Variants in MAST2 observed in about 807,000 individuals in gnomAD.
The protein encoded by MAST2 is microtubule associated serine/threonine kinase 2.
Under a neutral mutation model 147.4 loss-of-function variants are expected in MAST2, and 70 were observed. The observed-to-expected ratio is 0.47, with a 90% CI of 0.39 to 0.58. The LOEUF is 0.58. MAST2 is among the 20% of genes least tolerant of loss of function. MAST2 has a pLI of 0.00. For synonymous variants in MAST2, 869 were observed against 896.8 expected, an observed-to-expected ratio of 0.97 and a Z score of 0.55; for missense variants, 2,080 against 2,302.3, an observed-to-expected ratio of 0.90 and a Z score of 1.98.
chr1:45,955,666 A>G (rs1436642483), intron 4 of MAST2, among the ~76,000 whole-genome samples: 1 of 152,180 alleles, frequency 6.6e-6, no homozygotes, highest in African/African-American at 2.4e-5. Context: ...AAACATAGGC[A>G]AAGGAAATCC....
At chr1:45,878,864 A>G (rs1646718609) in intron 3 of MAST2, among the ~76,000 whole-genome samples, 1 of 151,694 alleles carries the variant, frequency 6.6e-6, no homozygotes, top group African/African-American at 2.4e-5. Flanking sequence ...TACTATGTTC[A>G]TGTATTATAA....
chr1:46,006,355 C>T lies in MAST2; in HGVS notation c.862C>T (p.Arg288Trp), dbSNP rs780540875. ...AGAGAGCGTACCAGATGAGGAAGGA[C>T]GGCAGTCCCCAGCCATGCGGCCTCG... ...STESVPDEEG[R>W]QSPAMRPRSR... The change falls in exon 8 of 29, where the codon CGG becomes TGG. Residue 288 changes from arginine (R) to tryptophan (W), a missense_variant. Physicochemically the swap from Arg to Trp is moderately radical, Grantham distance 101 (BLOSUM62 -3). This residue lies in a region of MAST2 where 569 missense variants were observed against 642.5 expected (regional missense o/e 0.89). Coordinates refer to ENST00000361297, the MANE Select transcript of MAST2 (RefSeq NM_015112.3). 8.1e-6 allele frequency: 13 copies of T among 1,613,436 alleles called. No individual in the cohort carries two copies. The highest frequency in any genetic ancestry group is 1.6e-4 in the Middle Eastern group (1 of 6,084).
At position 46,029,450 on chromosome 1, in the gene MAST2, C is replaced by A; in HGVS notation, c.2219-16C>A. The A allele has an allele frequency of 6.2e-7, 1 of 1,603,458 alleles. No homozygotes were observed. Among genetic ancestry groups the A allele is most frequent in the Non-Finnish European group, 8.5e-7 (1 of 1,171,156 alleles). On this transcript the variant is annotated splice_polypyrimidine_tract_variant and intron_variant, in intron 18 of 28. Transcript: ENST00000361297. ...CCCACAATTTCTCCTTTCCCTCTCA[C>A]CCCTGATGACTTCAGATGAGATTGT...
rs189080666 is a variant in MAST2 at position 45,813,004 on chromosome 1, A to G, written c.177+8932A>G. Among the ~76,000 whole-genome samples, 136 of 151,718 alleles carry G rather than the reference A, an allele frequency of 9.0e-4. 1 individual carries two copies. Among genetic ancestry groups the G allele is most frequent in the African/African-American group, 3.1e-3 (130 of 41,336 alleles). On this transcript the variant is annotated intron_variant, in intron 1 of 28. Transcript: ENST00000361297. ...ATATCTCTCGGGGATTGAGTACATGACCCCCTGCAGATACCAAACTCTGGT... is the reference window on the plus strand; with the variant it reads ...ATATCTCTCGGGGATTGAGTACATGGCCCCCTGCAGATACCAAACTCTGGT...
chr1:45,953,722 A>C (rs951637156), intron 4 of MAST2, among the ~76,000 whole-genome samples: 1 of 152,200 alleles, frequency 6.6e-6, no homozygotes, highest in African/African-American at 2.4e-5. Context: ...GAAGGTTTTG[A>C]GCAGAGGAAT....
chr1:45,913,657 G>C (rs1021371995), intron 4 of MAST2: 1 of 1,016,374 alleles, frequency 9.8e-7, no homozygotes, highest in East Asian at 1.1e-4. Flanking sequence ...TTTTGTGGGG[G>C]GATGGGAGGG....
intron 21 of MAST2, 74 bp downstream of exon 21, chr1:46,030,312 C>T (rs899210405): frequency 6.2e-6 from 9 of 1,443,178 alleles, no homozygotes; most frequent in African/African-American, 1.4e-5. Flanking sequence ...AAAGGGCACA[C>T]CTGGGGCAGG....
In MAST2 at chr1:45,882,345, CAT is replaced by C; in HGVS notation, c.469-16_469-15del. The C allele has an allele frequency of 6.2e-7, 1 of 1,603,842 alleles. No individual in the cohort carries two copies. The highest frequency in any genetic ancestry group is 8.5e-7 in the Non-Finnish European group (1 of 1,170,992). Reference sequence around the variant, plus strand: ...CAGATGGGTTCTTATTTCTAACTTGCATATGTTTTGTTTTTCAGAAGGAGTTG... The same window carrying C: ...CAGATGGGTTCTTATTTCTAACTTGCATGTTTTGTTTTTCAGAAGGAGTTG... On this transcript the variant is annotated splice_polypyrimidine_tract_variant and intron_variant, in intron 3 of 28. Transcript: ENST00000361297.
At chr1:45,949,460 G>GA (rs1234760693) in intron 4 of MAST2, among the ~76,000 whole-genome samples, 2 of 152,082 alleles carry the variant, frequency 1.3e-5, no homozygotes, top group Non-Finnish European at 2.9e-5. Flanking sequence ...ACAAGCATAA[G>GA]AAAAAAAGCT....
intron 4 of MAST2, among the ~76,000 whole-genome samples, chr1:45,886,259 A>C (rs961409965): frequency 1.4e-5 from 2 of 148,138 alleles, no homozygotes; most frequent in Non-Finnish European, 3.0e-5. Context: ...ATACTTATAT[A>C]AGTATACATA....
At chr1:45,857,843 A>C (rs1012189958) in intron 3 of MAST2, among the ~76,000 whole-genome samples, 1 of 140,464 alleles carries the variant, frequency 7.1e-6, no homozygotes, top group Non-Finnish European at 1.5e-5. Flanking sequence ...GAGTGAGAAC[A>C]TGCGGTGTTT....
intron 17 of MAST2, 146 bp downstream of exon 17, chr1:46,028,009 C>T (rs1646489881): frequency 1.1e-6 from 1 of 920,208 alleles, no homozygotes; most frequent in African/African-American, 1.6e-5. Context: ...GAGACCCCAT[C>T]TCTACATTTG....
chr1:45,863,359 G>T (rs1407229374), intron 3 of MAST2, among the ~76,000 whole-genome samples: 5 of 152,098 alleles, frequency 3.3e-5, no homozygotes, highest in African/African-American at 1.2e-4. Context: ...TGTCTGTTCA[G>T]GTCTTGTGTT....
chr1:45,886,743 G>C (rs907687022), intron 4 of MAST2, among the ~76,000 whole-genome samples: 10 of 152,292 alleles, frequency 6.6e-5, no homozygotes, highest in African/African-American at 2.2e-4. Context: ...AAGCAGCTCT[G>C]AATGGCTTTT....
At chr1:45,969,027 T>C (rs1165150793) in intron 5 of MAST2, among the ~76,000 whole-genome samples, 2 of 152,198 alleles carry the variant, frequency 1.3e-5, no homozygotes, top group Non-Finnish European at 2.9e-5. Context: ...CAGTGATCTT[T>C]AACATTTTCT....
intron 4 of MAST2, among the ~76,000 whole-genome samples, chr1:45,883,742 G>T (rs1646944429): frequency 6.6e-6 from 1 of 151,902 alleles, no homozygotes; most frequent in African/African-American, 2.4e-5. Context: ...TCTAGCAGTG[G>T]ATATTCAGTC....
chr1:45,990,303 G>A (rs1644808272), intron 5 of MAST2, among the ~76,000 whole-genome samples: 1 of 152,204 alleles, frequency 6.6e-6, no homozygotes. Flanking sequence ...ATGATGTTGA[G>A]AATCTTTTTA....
intron 1 of MAST2, among the ~76,000 whole-genome samples, chr1:45,805,262 G>C (rs746011878): frequency 2.0e-5 from 3 of 152,176 alleles, no homozygotes; most frequent in Non-Finnish European, 4.4e-5. Context: ...TGTTGGCCAG[G>C]CTGGTCTGGA....
chr1:46,028,429 C>T (rs907096798), intron 17 of MAST2, among the ~76,000 whole-genome samples: 1 of 152,126 alleles, frequency 6.6e-6, no homozygotes, highest in Non-Finnish European at 1.5e-5. Context: ...TGTGACTGTT[C>T]ACCGGTCCCT....
Sources: gnomAD v4.1 joint callset for allele counts (sites outside exome capture counted in the v4.1 genomes callset) on GRCh38, gnomAD v4.1.1 for gene constraint, gnomAD v4.1.1 regional missense constraint, MANE v1.5 for transcripts, NCBI Gene and HGNC (gene_info 2026-07-23, HGNC 2026-07-21) for gene names.